Variants in RBFOX1 observed in about 807,000 individuals in gnomAD.
The protein encoded by RBFOX1 is RNA binding protein fox-1 homolog 1.
RBFOX1 carries 8 observed loss-of-function variants against 57.7 expected under a neutral mutation model. The ratio of observed to expected loss-of-function variants is 0.14; its 90% CI spans 0.08 to 0.25. RBFOX1 has a LOEUF of 0.25. RBFOX1 is among the 10% of genes least tolerant of loss of function. RBFOX1 has a pLI of 1.00. For synonymous variants in RBFOX1, 326 were observed against 222.4 expected (o/e 1.47, Z -4.15); for missense variants, 611 against 548.5 (o/e 1.11, Z -1.14).
At chr16:7,531,656 T>C (rs567838650) in intron 5 of RBFOX1, among the ~76,000 whole-genome samples, 1 of 152,176 alleles carries the variant, frequency 6.6e-6, no homozygotes, top group African/African-American at 2.4e-5. Context: ...ATACCACGAT[T>C]ACGGATGAGG....
intron 1 of RBFOX1, among the ~76,000 whole-genome samples, chr16:5,318,584 C>CA (rs1279266582): frequency 5.2e-5 from 5 of 95,732 alleles, no homozygotes; most frequent in Admixed American, 3.9e-4. Flanking sequence ...TGACTTATAC[C>CA]AAAAAAACAA....
chr16:6,886,640 A>G lies in RBFOX1; in HGVS notation c.-15-165417A>G, dbSNP rs116990643. On this transcript the variant is annotated intron_variant, in intron 3 of 15. Coordinates refer to ENST00000550418, the MANE Select transcript of RBFOX1 (RefSeq NM_018723.4). ...CGTGGTGGTGCTCACCTGTAATCCT[A>G]GCTGCTCAGGAGGCTGAGGCACAAG... Among the ~76,000 whole-genome samples the G allele has an allele frequency of 4.7e-4, 71 of 152,124 alleles. No homozygotes were observed. In the East Asian group the frequency reaches 0.013, roughly 29 times the overall value.
chr16:6,922,868 A>T (rs1021750066), intron 3 of RBFOX1, among the ~76,000 whole-genome samples: 1 of 152,164 alleles, frequency 6.6e-6, no homozygotes, highest in African/African-American at 2.4e-5. Flanking sequence ...TTCCATTTCT[A>T]GGTGTACCTT....
At chr16:6,811,014 T>A (rs912470503) in intron 3 of RBFOX1, among the ~76,000 whole-genome samples, 1 of 152,184 alleles carries the variant, frequency 6.6e-6, no homozygotes, top group African/African-American at 2.4e-5. Context: ...TGGAAATAGT[T>A]ACAGAACACA....
At chr16:5,896,942 G>C (rs2058179742) in intron 4 of RBFOX1, among the ~76,000 whole-genome samples, 1 of 147,974 alleles carries the variant, frequency 6.8e-6, no homozygotes, top group Admixed American at 6.8e-5. Flanking sequence ...ACATTCGTTT[G>C]AAAGCTACGT....
intron 5 of RBFOX1, among the ~76,000 whole-genome samples, chr16:7,534,880 G>A (rs550589346): frequency 2.0e-5 from 3 of 152,284 alleles, no homozygotes; most frequent in African/African-American, 2.4e-5. Context: ...GAAGCCCTGC[G>A]ATTTTCCTTC....
intron 4 of RBFOX1, among the ~76,000 whole-genome samples, chr16:7,452,872 G>C (rs2057651182): frequency 6.6e-6 from 1 of 152,086 alleles, no homozygotes; most frequent in Non-Finnish European, 1.5e-5. Context: ...CTCATGCCCA[G>C]AATCCCAGCA....
chr16:5,944,820 G>A (rs2059363163), intron 4 of RBFOX1, among the ~76,000 whole-genome samples: 1 of 74,750 alleles, frequency 1.3e-5, no homozygotes, highest in Non-Finnish European at 2.9e-5. Flanking sequence ...TTAGCTGGGT[G>A]TGGTGTCACA....
intron 3 of RBFOX1, among the ~76,000 whole-genome samples, chr16:5,718,726 G>A (rs916153528): frequency 3.9e-5 from 6 of 152,158 alleles, no homozygotes; most frequent in African/African-American, 1.2e-4. Flanking sequence ...GGCCGACATG[G>A]TGGAATCCCA....
chr16:7,556,954 T>G (rs1423336129), intron 5 of RBFOX1, among the ~76,000 whole-genome samples: 1 of 152,206 alleles, frequency 6.6e-6, no homozygotes, highest in Non-Finnish European at 1.5e-5. Context: ...TTCTCCCAAA[T>G]GCCTCTGTTA....
chr16:7,420,167 C>G (rs1442399605), intron 4 of RBFOX1, among the ~76,000 whole-genome samples: 2 of 152,050 alleles, frequency 1.3e-5, no homozygotes, highest in Non-Finnish European at 2.9e-5. Flanking sequence ...TCTCTCCAGT[C>G]TAAATATTCT....
intron 10 of RBFOX1, among the ~76,000 whole-genome samples, chr16:7,618,001 A>G (rs3826209): frequency 0.55 from 84,009 of 151,426 alleles, 24,931 homozygotes; most frequent in East Asian, 0.84. Flanking sequence ...ATCCATTGAG[A>G]AAACTTAAAA....
intron 3 of RBFOX1, among the ~76,000 whole-genome samples, chr16:6,867,411 CTAA>C (rs2060129699): frequency 6.6e-6 from 1 of 151,498 alleles, no homozygotes; most frequent in African/African-American, 2.4e-5. Context: ...ATCTGAGAAA[CTAA>C]TGAGGATTAA....
intron 1 of RBFOX1, among the ~76,000 whole-genome samples, chr16:5,304,082 A>G (rs1567307013): frequency 6.6e-6 from 1 of 152,210 alleles, no homozygotes; most frequent in Admixed American, 6.5e-5. Flanking sequence ...CCTTCTGACA[A>G]ATCTCCAAAG....
chr16:6,589,163 A>T lies in RBFOX1; in HGVS notation c.-63-65440A>T, dbSNP rs2097674351. On this transcript the variant is annotated intron_variant, in intron 2 of 15. Coordinates refer to ENST00000550418, the MANE Select transcript of RBFOX1 (RefSeq NM_018723.4). ...AGTAGAACCATGGCACCCAGCTAGA[A>T]TACCACTGCCAGAAAAGAAACTATT... 2.0e-5 allele frequency among the ~76,000 whole-genome samples: 3 copies of T among 152,230 alleles called. No individual in the cohort carries two copies. In the South Asian group the frequency reaches 6.2e-4, roughly 32 times the overall value.
intron 2 of RBFOX1, among the ~76,000 whole-genome samples, chr16:6,611,510 T>C (rs969731752): frequency 6.6e-6 from 1 of 152,158 alleles, no homozygotes; most frequent in African/African-American, 2.4e-5. Flanking sequence ...GGATGCTCTT[T>C]GCCCCCGTGT....
intron 3 of RBFOX1, among the ~76,000 whole-genome samples, chr16:5,775,473 T>C (rs1401334442): frequency 6.6e-6 from 1 of 152,198 alleles, no homozygotes; most frequent in East Asian, 1.9e-4. Context: ...TGGAAACACC[T>C]ATGTGTTCAA....
intron 1 of RBFOX1, among the ~76,000 whole-genome samples, chr16:5,273,613 A>T (rs1227494292): frequency 3.3e-5 from 5 of 152,014 alleles, no homozygotes; most frequent in African/African-American, 1.2e-4. Context: ...GAAGCGGGGG[A>T]GTGGTGGATA....
chr16:6,238,034 T>G (rs561647558), intron 1 of RBFOX1, among the ~76,000 whole-genome samples: 144 of 134,800 alleles, frequency 1.1e-3, no homozygotes, highest in Non-Finnish European at 1.9e-3. Flanking sequence ...GAGATTGCAG[T>G]AAGCTGAAAT....
Sources: gnomAD v4.1 joint callset for allele counts (sites outside exome capture counted in the v4.1 genomes callset) on GRCh38, gnomAD v4.1.1 for gene constraint, MANE v1.5 for transcripts, NCBI Gene and HGNC (gene_info 2026-07-23, HGNC 2026-07-21) for gene names.